ROBO1: variants seen among roughly 807,000 people sequenced by gnomAD.
ROBO1 encodes roundabout homolog 1.
A neutral mutation model predicts 195.9 loss-of-function variants in ROBO1; 149 were observed. The observed-to-expected ratio is 0.76, with a 90% confidence interval of 0.67 to 0.87. ROBO1 has a LOEUF of 0.87. Ranked by LOEUF, ROBO1 falls within the 40% of genes least tolerant of loss-of-function variation. The pLI is 0.00. For missense variants in ROBO1, 1,933 were observed against 2,068.3 expected, an observed-to-expected ratio of 0.93 and a Z score of 1.27; for synonymous variants, 816 against 733.2, an observed-to-expected ratio of 1.11 and a Z score of -1.82.
At chr3:79,472,078 G>C (rs866301153) in intron 2 of ROBO1, among the ~76,000 whole-genome samples, 2 of 151,946 alleles carry the variant, frequency 1.3e-5, no homozygotes, top group Admixed American at 1.3e-4. Context: ...AGAACTTAAA[G>C]TATAATAAAA....
At chr3:78,780,253 A>T (rs1477782976) in intron 4 of ROBO1, among the ~76,000 whole-genome samples, 5 of 151,720 alleles carry the variant, frequency 3.3e-5, no homozygotes, top group Non-Finnish European at 7.4e-5. Context: ...TTTAAAGTAT[A>T]AAAAAAAATT....
In ROBO1 at chr3:79,609,876, G is replaced by C. The variant is rs371747956; in HGVS notation, c.-50-19915C>G. 5.3e-5 allele frequency among the ~76,000 whole-genome samples: 8 copies of C among 151,906 alleles called. No individual in the cohort carries two copies. In the East Asian group the frequency reaches 1.6e-3, roughly 30 times the overall value. ...GAAAATGAGGAGTTATTGTTTAAAG[G>C]GTATATGATTTCCATTTTGCAAGAT... is the stretch of plus-strand genomic sequence containing the variant. On this transcript the variant is annotated intron_variant, in intron 1 of 30. Transcript: ENST00000464233.
intron 2 of ROBO1, among the ~76,000 whole-genome samples, chr3:79,369,627 T>C (rs1284417783): frequency 1.3e-5 from 2 of 152,152 alleles, no homozygotes; most frequent in African/African-American, 4.8e-5. Context: ...TGGACCAACA[T>C]GTGTACAGTT....
Position 78,661,027 on chromosome 3 carries a change from T to C in ROBO1, c.2320+3A>G, listed in dbSNP as rs774962589. On this transcript the variant is annotated splice_donor_region_variant and intron_variant, in intron 16 of 30. Coordinates refer to ENST00000464233, the MANE Select transcript of ROBO1 (RefSeq NM_002941.4). ...TGGAAATCAAACGCTTCATCATACT[T>C]GCCTTCTTCCAGGGTTTTGGCAAAC... 2 of 1,603,336 alleles carry C rather than the reference T, an allele frequency of 1.2e-6. No individual in the cohort carries two copies. Among genetic ancestry groups the C allele is most frequent in the Non-Finnish European group, 1.7e-6 (2 of 1,171,782 alleles).
chr3:79,767,704 A>G (rs1383499248), intron 1 of ROBO1, 48 bp downstream of exon 1: 2 of 152,252 alleles, frequency 1.3e-5, no homozygotes, highest in African/African-American at 4.8e-5. Context: ...CCCTTTTACA[A>G]ATCAAAAGCC....
At chr3:78,712,061 A>C (rs1213042626) in intron 8 of ROBO1, among the ~76,000 whole-genome samples, 10 of 131,616 alleles carry the variant, frequency 7.6e-5, no homozygotes, top group Admixed American at 1.6e-4. Context: ...CTCTCAAATC[A>C]GGGTTCTTTT....
chr3:79,543,180 C>T (rs1001209243), intron 2 of ROBO1, among the ~76,000 whole-genome samples: 2 of 151,968 alleles, frequency 1.3e-5, no homozygotes, highest in African/African-American at 4.8e-5. Flanking sequence ...AACTACAGAA[C>T]ACGCTTGGAA....
chr3:79,113,468 T>TA (rs1226367293), intron 3 of ROBO1, among the ~76,000 whole-genome samples: 2 of 151,978 alleles, frequency 1.3e-5, no homozygotes, highest in South Asian at 2.1e-4. Context: ...CACATCCCTG[T>TA]AAAAAAATGA....
intron 3 of ROBO1, among the ~76,000 whole-genome samples, chr3:79,106,287 G>C (rs967644533): frequency 1.2e-4 from 18 of 151,596 alleles, no homozygotes; most frequent in African/African-American, 4.3e-4. Flanking sequence ...GAAGCAAAAA[G>C]CTACATGTTT....
chr3:79,004,787 T>C (rs1252108971), intron 3 of ROBO1, among the ~76,000 whole-genome samples: 1 of 152,206 alleles, frequency 6.6e-6, no homozygotes, highest in African/African-American at 2.4e-5. Flanking sequence ...GTGTGCAATG[T>C]AAGCAAATCA....
At chr3:78,750,656 T>A (rs374734208) in intron 4 of ROBO1, among the ~76,000 whole-genome samples, 4 of 152,086 alleles carry the variant, frequency 2.6e-5, no homozygotes, top group Admixed American at 2.6e-4. Flanking sequence ...TTGCAACTTA[T>A]CTGGGTAATA....
intron 2 of ROBO1, among the ~76,000 whole-genome samples, chr3:79,340,644 C>G (rs2034871683): frequency 6.6e-6 from 1 of 152,114 alleles, no homozygotes; most frequent in South Asian, 2.1e-4. Context: ...GGGAATGTAC[C>G]TTGGTACCAC....
chr3:79,742,124 A>C (rs1016065872), intron 1 of ROBO1, among the ~76,000 whole-genome samples: 4 of 152,252 alleles, frequency 2.6e-5, no homozygotes, highest in African/African-American at 9.6e-5. Flanking sequence ...CATGTGGTAG[A>C]GAAGAAAAAC....
rs571219375 is a variant in ROBO1 at position 78,914,341 on chromosome 3, G to A, written c.499+24260C>T. 4.4e-4 allele frequency among the ~76,000 whole-genome samples: 67 copies of A among 152,158 alleles called. 3 individuals carry two copies. The highest frequency in any genetic ancestry group is 1.5e-3 in the African/African-American group (63 of 41,542). ...TGATATCAACAAACCATAATAAAGAGAAACATACGCAAATTCAAAGGTTAA... is the reference window on the plus strand; with the variant it reads ...TGATATCAACAAACCATAATAAAGAAAAACATACGCAAATTCAAAGGTTAA... On this transcript the variant is annotated intron_variant, in intron 4 of 30. Transcript: ENST00000464233.
intron 1 of ROBO1, among the ~76,000 whole-genome samples, chr3:79,665,758 G>A (rs1189478378): frequency 6.6e-6 from 1 of 151,838 alleles, no homozygotes; most frequent in African/African-American, 2.4e-5. Context: ...GTGATTAAAG[G>A]AGCAATAGAA....
At chr3:78,839,392 G>T (rs1419146152) in intron 4 of ROBO1, among the ~76,000 whole-genome samples, 2 of 151,274 alleles carry the variant, frequency 1.3e-5, no homozygotes, top group South Asian at 2.1e-4. Flanking sequence ...ACTTTTTTGG[G>T]TTTGTACTGA....
chr3:79,370,516 T>C (rs1328220002), intron 2 of ROBO1, among the ~76,000 whole-genome samples: 2 of 152,060 alleles, frequency 1.3e-5, no homozygotes, highest in African/African-American at 2.4e-5. Context: ...GTAGGCTCAA[T>C]GACCAGCCCA....
intron 3 of ROBO1, among the ~76,000 whole-genome samples, chr3:79,035,400 G>C (rs2078365058): frequency 6.6e-6 from 1 of 152,092 alleles, no homozygotes; most frequent in Non-Finnish European, 1.5e-5. Flanking sequence ...AAGCTGGCTT[G>C]ACTGAATTAT....
intron 4 of ROBO1, among the ~76,000 whole-genome samples, chr3:78,872,760 C>T (rs2035625641): frequency 6.6e-6 from 1 of 152,232 alleles, no homozygotes; most frequent in Middle Eastern, 3.4e-3. Context: ...CAAATCAAGG[C>T]ATTTGTCCTT....
Sources: allele counts gnomAD v4.1 joint callset (sites outside exome capture counted in the v4.1 genomes callset), GRCh38; gene constraint gnomAD v4.1.1; transcripts MANE v1.5; gene names NCBI Gene and HGNC (gene_info 2026-07-23, HGNC 2026-07-21).